The following CLCA4 variants were observed in gnomAD, a reference collection of about 807,000 sequenced individuals.
CLCA4 encodes the protein chloride channel accessory 4.
In CLCA4, 69 loss-of-function variants were observed where a neutral mutation model predicts 78.9. The ratio of observed to expected loss-of-function variants is 0.87; its 90% confidence interval spans 0.72 to 1.07. The LOEUF is 1.07. CLCA4 is among the 50% of genes least tolerant of loss of function. The pLI is 0.00. For missense variants in CLCA4, 1,133 were observed against 1,095.8 expected (o/e 1.03, Z -0.48); for synonymous variants, 362 against 375.8 (o/e 0.96, Z 0.42).
At chr1:86,571,584 C>A (rs1650352706) in intron 8 of CLCA4, among the ~76,000 whole-genome samples, 1 of 151,906 alleles carries the variant, frequency 6.6e-6, no homozygotes, top group Non-Finnish European at 1.5e-5. Context: ...CTGAGCTGGG[C>A]TTTGAACAGG....
chr1:86,552,434 C>A (rs188462097), intron 1 of CLCA4, among the ~76,000 whole-genome samples: 2 of 152,192 alleles, frequency 1.3e-5, no homozygotes, highest in South Asian at 2.1e-4. Flanking sequence ...CCCTCCACAG[C>A]GGGGAAAGTG....
intron 1 of CLCA4, among the ~76,000 whole-genome samples, chr1:86,555,508 G>C (rs1649812352): frequency 6.6e-6 from 1 of 152,120 alleles, no homozygotes; most frequent in Admixed American, 6.5e-5. Flanking sequence ...TTAGATGGTG[G>C]TGGATGTGCA....
At position 86,547,149 on chromosome 1, in the gene CLCA4, C is replaced by T. The variant is rs772296374; in HGVS notation, c.30C>T (p.Leu10=). MGLFRGFVF[L]LVLCLLHQSN... ...GGTTATTCAGAGGTTTTGTTTTCCT[C>T]TTAGTTCTGTGCCTGCTGCACCAGT... Residue 10 remains leucine, a synonymous_variant, in exon 1 of 14, where the codon CTC becomes CTT. Coordinates refer to ENST00000370563, the MANE Select transcript of CLCA4 (RefSeq NM_012128.4). The T allele has an allele frequency of 6.2e-7, 1 of 1,608,094 alleles. No individual in the cohort carries two copies. Among genetic ancestry groups the T allele is most frequent in the Admixed American group, 1.7e-5 (1 of 58,468 alleles).
intron 1 of CLCA4, among the ~76,000 whole-genome samples, chr1:86,551,797 T>C (rs1221816721): frequency 6.6e-6 from 1 of 152,204 alleles, no homozygotes; most frequent in African/African-American, 2.4e-5. Context: ...ATTTGACCTT[T>C]GCCTTCAATG....
chr1:86,550,162 T>C (rs1326867915), intron 1 of CLCA4, among the ~76,000 whole-genome samples: 3 of 152,236 alleles, frequency 2.0e-5, no homozygotes, highest in African/African-American at 7.2e-5. Context: ...AACTAAGTTG[T>C]AATCAAGTGA....
At chr1:86,558,974 C>A (rs1649932528) in intron 1 of CLCA4, among the ~76,000 whole-genome samples, 2 of 151,902 alleles carry the variant, frequency 1.3e-5, no homozygotes, top group Admixed American at 1.3e-4. Context: ...CTGCCTTTAA[C>A]ACTCTTTTTT....
intron 9 of CLCA4, among the ~76,000 whole-genome samples, chr1:86,574,286 G>GA (rs1413989680): frequency 2.0e-5 from 3 of 151,742 alleles, no homozygotes; most frequent in Non-Finnish European, 4.4e-5. Context: ...AGACAACCGG[G>GA]AAAAAAACAG....
At chr1:86,570,673 G>T (rs1650324343) in intron 7 of CLCA4, among the ~76,000 whole-genome samples, 1 of 152,012 alleles carries the variant, frequency 6.6e-6, no homozygotes, top group Non-Finnish European at 1.5e-5. Flanking sequence ...AGCTTTAAAT[G>T]CAAGAGACTT....
Position 86,574,576 on chromosome 1 carries a change from T to C in CLCA4, c.1504T>C (p.Trp502Arg), listed in dbSNP as rs909055390. The stretch of plus-strand genomic sequence containing the variant: ...GGGATTAACACTGAATAGTAATGCC[T>C]GGATGAACGACACTGTCATAATTGA... The part of the protein sequence containing the change: ...SKGLTLNSNA[W>R]MNDTVIIDST... Residue 502 changes from tryptophan to arginine, a missense_variant, in exon 10 of 14, where the codon TGG becomes CGG. Physicochemically the swap from Trp to Arg is moderately radical, Grantham distance 101 (BLOSUM62 -3). Coordinates refer to ENST00000370563, the MANE Select transcript of CLCA4 (RefSeq NM_012128.4). 1.4e-5 allele frequency: 22 copies of C among 1,613,124 alleles called. No individual in the cohort carries two copies. The highest frequency in any genetic ancestry group is 1.8e-5 in the Non-Finnish European group (21 of 1,179,440).
At chr1:86,560,423 A>G (rs1252967351) in intron 3 of CLCA4, 65 bp downstream of exon 3, 1 of 1,546,260 alleles carries the variant, frequency 6.5e-7, no homozygotes, top group Non-Finnish European at 8.8e-7. Flanking sequence ...ATGCAGGTTA[A>G]GTGTGCAGGC....
intron 9 of CLCA4, among the ~76,000 whole-genome samples, chr1:86,573,858 C>T (rs531732069): frequency 3.3e-5 from 5 of 151,978 alleles, no homozygotes; most frequent in South Asian, 2.1e-4. Context: ...CCAAGAAACC[C>T]GCTATACAAT....
intron 13 of CLCA4, 75 bp downstream of exon 13, chr1:86,579,662 T>TGGGGG: frequency 1.7e-6 from 1 of 600,418 alleles, no homozygotes; most frequent in Non-Finnish European, 3.2e-6. Context: ...TAAGGGTGGG[T>TGGGGG]GGGGGGAGAA....
At chr1:86,574,827 A>G (rs1650460796) in intron 10 of CLCA4, 72 bp downstream of exon 10, 2 of 1,106,206 alleles carry the variant, frequency 1.8e-6, no homozygotes. Flanking sequence ...AATGTCATAA[A>G]TGTCAGTACC....
Position 86,571,226 on chromosome 1 carries a change from A to G in CLCA4, c.1332A>G (p.Glu444=). ...TTGCTTTGGGAAGAGCTGCTGATGA[A>G]GCAGTAATAGAGATGAGCAAGATAA... The part of the protein sequence containing the change: ...HFIALGRAAD[E]AVIEMSKITG... Residue 444 remains glutamate (E), a synonymous_variant, in exon 8 of 14, where the codon GAA becomes GAG. Transcript: ENST00000370563. The G allele has an allele frequency of 6.2e-7, 1 of 1,612,466 alleles. No individual in the cohort carries two copies. Among genetic ancestry groups the G allele is most frequent in the South Asian group, 1.1e-5 (1 of 90,968 alleles).
Position 86,562,853 on chromosome 1 carries a change from T to TA in CLCA4, c.449-790dup, listed in dbSNP as rs10579344. ...CAGGCGACAGTGCGAGACTCCATCTTAAAAAAAAAAAAAAAAAAGAAGAAG... is the reference window on the plus strand; with the variant it reads ...CAGGCGACAGTGCGAGACTCCATCTTAAAAAAAAAAAAAAAAAAAGAAGAAG... On this transcript the variant is annotated intron_variant, in intron 3 of 13. Transcript: ENST00000370563. Among the ~76,000 whole-genome samples the TA allele has an allele frequency of 7.5e-3, 1,002 of 133,208 alleles. 3 individuals are homozygous for TA. The highest frequency in any genetic ancestry group is 0.014 in the African/African-American group (505 of 36,080). The allele number at this position is 133,208 out of a possible 152,430, so 87.4% of individuals were successfully genotyped here. A position where few individuals can be genotyped will look rare whatever the true frequency, so the allele number is the denominator to read the frequency against.
At chr1:86,559,790 T>C (rs1649958513) in intron 1 of CLCA4, 142 bp from the exon 2 acceptor site, 6 of 665,200 alleles carry the variant, frequency 9.0e-6, no homozygotes, top group Non-Finnish European at 1.3e-5. Context: ...GTGGCAGAGT[T>C]AGAATAATGA....
intron 1 of CLCA4, among the ~76,000 whole-genome samples, chr1:86,558,177 T>C (rs1057201218): frequency 6.6e-6 from 1 of 152,186 alleles, no homozygotes. Context: ...AAGTGGGGCA[T>C]TTGGCCCATT....
At chr1:86,568,393 A>C (rs912106636) in intron 7 of CLCA4, among the ~76,000 whole-genome samples, 3 of 148,720 alleles carry the variant, frequency 2.0e-5, no homozygotes, top group African/African-American at 7.3e-5. Context: ...ATTTATTATA[A>C]GTGTATATTT....
At chr1:86,548,235 T>G (rs1404402709) in intron 1 of CLCA4, among the ~76,000 whole-genome samples, 1 of 152,188 alleles carries the variant, frequency 6.6e-6, no homozygotes, top group Non-Finnish European at 1.5e-5. Flanking sequence ...GGACATTTGT[T>G]TGTCTTCTTT....
Sources: allele counts gnomAD v4.1 joint callset (sites outside exome capture counted in the v4.1 genomes callset), GRCh38; gene constraint gnomAD v4.1.1; transcripts MANE v1.5; gene names NCBI Gene and HGNC (gene_info 2026-07-23, HGNC 2026-07-21).